The following FYN variants were observed in gnomAD, a reference collection of about 807,000 sequenced individuals.
FYN encodes the protein tyrosine-protein kinase Fyn.
In FYN, 10 loss-of-function variants were observed where a neutral mutation model predicts 70.2. The ratio of observed to expected loss-of-function variants is 0.14; its 90% CI spans 0.09 to 0.24. The LOEUF (loss-of-function observed/expected upper bound fraction) is 0.24, where lower values mean the gene tolerates loss of function less well. Ranked by LOEUF, FYN falls within the 10% of genes least tolerant of loss-of-function variation. The pLI is 1.00. For synonymous variants in FYN, 236 were observed against 248.6 expected (o/e 0.95, Z 0.48); for missense variants, 319 against 673.1 (o/e 0.47, Z 5.82).
intron 12 of FYN, among the ~76,000 whole-genome samples, chr6:111,691,893 T>C (rs956441926): frequency 1.2e-4 from 18 of 152,354 alleles, no homozygotes; most frequent in Admixed American, 3.3e-4. Context: ...GCTCTGCTAT[T>C]TTCCTAGCTG....
chr6:111,867,270 G>A (rs1018025422), intron 1 of FYN, among the ~76,000 whole-genome samples: 20 of 151,914 alleles, frequency 1.3e-4, no homozygotes, highest in African/African-American at 3.6e-4. Context: ...TCAGAAGTTC[G>A]AGACCAGCCT....
intron 2 of FYN, among the ~76,000 whole-genome samples, chr6:111,797,572 C>G: frequency 6.8e-6 from 1 of 147,206 alleles, no homozygotes; most frequent in African/African-American, 2.6e-5. Flanking sequence ...TCTGCTCACA[C>G]AATGGAAAAC....
intron 3 of FYN, among the ~76,000 whole-genome samples, chr6:111,778,012 T>A (rs1771018234): frequency 6.6e-6 from 1 of 152,194 alleles, no homozygotes; most frequent in Admixed American, 6.5e-5. Flanking sequence ...AGACACTTCA[T>A]ACTGATTGTG....
intron 3 of FYN, among the ~76,000 whole-genome samples, chr6:111,737,150 C>T (rs1428932252): frequency 6.6e-6 from 1 of 152,226 alleles, no homozygotes; most frequent in Non-Finnish European, 1.5e-5. Flanking sequence ...TTACAACATG[C>T]TTCTGACACC....
At chr6:111,705,391 T>TG (rs1043674766) in intron 6 of FYN, among the ~76,000 whole-genome samples, 3 of 151,430 alleles carry the variant, frequency 2.0e-5, no homozygotes, top group African/African-American at 7.3e-5. Flanking sequence ...CTTCTTTTTT[T>TG]TTTTTTTTTC....
At chr6:111,825,129 T>A (rs1239750056) in intron 2 of FYN, among the ~76,000 whole-genome samples, 1 of 152,190 alleles carries the variant, frequency 6.6e-6, no homozygotes, top group Non-Finnish European at 1.5e-5. Context: ...GGGATCTTTT[T>A]GGACTGCGGG....
intron 2 of FYN, among the ~76,000 whole-genome samples, chr6:111,838,559 C>G (rs1312175989): frequency 1.3e-5 from 2 of 152,186 alleles, no homozygotes; most frequent in African/African-American, 4.8e-5. Context: ...TGGAACAGGG[C>G]TTTGCACATT....
intron 5 of FYN, among the ~76,000 whole-genome samples, chr6:111,711,029 G>A (rs1313565264): frequency 6.6e-6 from 1 of 152,102 alleles, no homozygotes; most frequent in Non-Finnish European, 1.5e-5. Flanking sequence ...TTAAAGACTT[G>A]CTAAAAGATT....
chr6:111,675,601 T>C (rs553630922), intron 12 of FYN, among the ~76,000 whole-genome samples: 1 of 152,106 alleles, frequency 6.6e-6, no homozygotes, highest in African/African-American at 2.4e-5. Context: ...AAGACCAGCC[T>C]GGCCAACAGG....
chr6:111,862,586 C>T (rs1228399039), intron 1 of FYN, among the ~76,000 whole-genome samples: 1 of 152,068 alleles, frequency 6.6e-6, no homozygotes, highest in Non-Finnish European at 1.5e-5. Context: ...GTGCTACGTG[C>T]CTTAGGTGGA....
intron 13 of FYN, among the ~76,000 whole-genome samples, chr6:111,669,278 T>C (rs996612589): frequency 2.0e-5 from 3 of 151,664 alleles, no homozygotes; most frequent in Non-Finnish European, 4.4e-5. Context: ...CTACTAAAAA[T>C]GCAAAAATTA....
At chr6:111,871,256 T>C (rs958032912) in intron 1 of FYN, among the ~76,000 whole-genome samples, 4 of 152,256 alleles carry the variant, frequency 2.6e-5, no homozygotes, top group African/African-American at 7.2e-5. Flanking sequence ...CAAGATTCTC[T>C]ACAGCCCCAG....
At chr6:111,702,715 T>A in intron 8 of FYN, 170 bp downstream of exon 8, 1 of 490,984 alleles carries the variant, frequency 2.0e-6, no homozygotes, top group East Asian at 3.3e-5. Context: ...AGTAGAACAA[T>A]AGCAATAGAA....
At chr6:111,790,508 C>T (rs371277546) in intron 2 of FYN, among the ~76,000 whole-genome samples, 1 of 152,150 alleles carries the variant, frequency 6.6e-6, no homozygotes, top group African/African-American at 2.4e-5. Context: ...ACATCTCTTC[C>T]AGCCCACGTG....
At position 111,694,159 on chromosome 6, in the gene FYN, C is replaced by T. The variant is rs1799472200; in HGVS notation, c.1273+216G>A. On this transcript the variant is annotated intron_variant, in intron 12 of 13. Coordinates refer to ENST00000354650, the MANE Select transcript of FYN (RefSeq NM_002037.5). This position sits in a 1 kb window ranked among gnomAD's most constrained non-coding sequence, Gnocchi z 5.0. Reference sequence around the variant, plus strand: ...GCAAATACCAATACCCACCCACCCACCAAAAACCAATATCTCATCCCTCCA... The same window carrying T: ...GCAAATACCAATACCCACCCACCCATCAAAAACCAATATCTCATCCCTCCA... Among the ~76,000 whole-genome samples, 1 of 152,150 alleles carries T rather than the reference C, an allele frequency of 6.6e-6. No homozygotes were observed. Among genetic ancestry groups the T allele is most frequent in the African/African-American group, 2.4e-5 (1 of 41,424 alleles).
At chr6:111,856,750 C>A (rs765415145) in intron 1 of FYN, among the ~76,000 whole-genome samples, 9 of 152,018 alleles carry the variant, frequency 5.9e-5, no homozygotes, top group Non-Finnish European at 1.0e-4. Context: ...CCCCGACACA[C>A]AAGGTAAAAA....
chr6:111,852,362 T>G (rs1419011354), intron 1 of FYN, among the ~76,000 whole-genome samples: 1 of 152,138 alleles, frequency 6.6e-6, no homozygotes, highest in Non-Finnish European at 1.5e-5. Context: ...CAGCTGGTGA[T>G]ACTGTATCAA....
chr6:111,847,675 A>G (rs1007816575), intron 1 of FYN, among the ~76,000 whole-genome samples: 28 of 152,252 alleles, frequency 1.8e-4, no homozygotes, highest in African/African-American at 6.0e-4. Context: ...ACACACACAC[A>G]CAAGAATTTT....
chr6:111,749,267 C>G (rs1196995985), intron 3 of FYN, among the ~76,000 whole-genome samples: 1 of 152,200 alleles, frequency 6.6e-6, no homozygotes, highest in African/African-American at 2.4e-5. Context: ...TGATCTCTCA[C>G]ATGTGACATG....
Sources: gnomAD v4.1 joint callset for allele counts (sites outside exome capture counted in the v4.1 genomes callset) on GRCh38, gnomAD v4.1.1 for gene constraint, Gnocchi (gnomAD v3.1) non-coding constraint, MANE v1.5 for transcripts, NCBI Gene and HGNC (gene_info 2026-07-23, HGNC 2026-07-21) for gene names.